The following MAOB variants were observed in gnomAD, a reference collection of about 807,000 sequenced individuals.
The protein encoded by MAOB is amine oxidase [flavin-containing] B.
In MAOB, 15 loss-of-function variants were observed where a neutral mutation model predicts 41.9. The ratio of observed to expected loss-of-function variants is 0.36; its 90% CI spans 0.24 to 0.55. The LOEUF is 0.55. Among genes scored for constraint, MAOB ranks in the 20% least tolerant of loss-of-function variants. The pLI is 0.86. For synonymous variants in MAOB, 167 were observed against 144.2 expected (o/e 1.16, Z -1.13); for missense variants, 345 against 398.7 (o/e 0.87, Z 1.15).
chrX:43,822,954 A>T (rs1020662481), intron 3 of MAOB, among the ~76,000 whole-genome samples: 5 of 110,500 alleles, frequency 4.5e-5, no homozygotes, highest in African/African-American at 1.6e-4. Context: ...AATCCTTTTA[A>T]TAAGACTTTA....
Position 43,853,067 on chromosome X carries a change from G to A in MAOB, c.47-9303C>T, listed in dbSNP as rs1239725942. On this transcript the variant is annotated intron_variant, in intron 1 of 14. Transcript: ENST00000378069. Reference sequence around the variant, plus strand: ...TGTAACCCCAGCACTTTAGGAGGCCGAGGCGGGCGGATCACGATGTGAAAC... The same window carrying A: ...TGTAACCCCAGCACTTTAGGAGGCCAAGGCGGGCGGATCACGATGTGAAAC... Among the ~76,000 whole-genome samples, 7 of 109,791 alleles carry A rather than the reference G, an allele frequency of 6.4e-5. No individual in the cohort carries two copies. In the East Asian group the frequency reaches 1.4e-3, roughly 23 times the overall value.
At chrX:43,852,034 C>T (rs956725514) in intron 1 of MAOB, among the ~76,000 whole-genome samples, 1 of 111,672 alleles carries the variant, frequency 9.0e-6, no homozygotes, top group African/African-American at 3.3e-5. Context: ...CAGGTCTTTG[C>T]CCTTCAGTAG....
intron 7 of MAOB, among the ~76,000 whole-genome samples, chrX:43,793,821 C>T (rs1209130118): frequency 9.0e-6 from 1 of 111,315 alleles, no homozygotes; most frequent in Non-Finnish European, 1.9e-5. Context: ...GAAATGGGCC[C>T]GTTACATCAC....
At chrX:43,810,468 T>A (rs138937046) in intron 3 of MAOB, among the ~76,000 whole-genome samples, 1,498 of 110,340 alleles carry the variant, frequency 0.014, 40 homozygotes, top group African/African-American at 0.045. Context: ...AATTAAATCA[T>A]GTCAATAAAT....
At chrX:43,775,040 A>G (rs1173147012) in intron 12 of MAOB, 135 bp downstream of exon 12, 4 of 913,392 alleles carry the variant, frequency 4.4e-6, no homozygotes, top group Non-Finnish European at 4.2e-6. Flanking sequence ...CATAAGATAC[A>G]AAGGAAATTG....
chrX:43,770,040 C>G (rs1025151642), intron 12 of MAOB, among the ~76,000 whole-genome samples: 1 of 111,074 alleles, frequency 9.0e-6, no homozygotes, highest in Non-Finnish European at 1.9e-5. Context: ...TGTGATGAAC[C>G]ACGCAGGCCC....
rs1316999843 is a variant in MAOB, at chrX:43,781,437, T to G, written c.1025+11A>C. ...CTGAATAGCAGCCACAACACCATAA[T>G]TGTGCCTTACCCCATTATGGCAGCA... is the stretch of plus-strand genomic sequence containing the variant. On this transcript the variant is annotated intron_variant, in intron 9 of 14. Transcript: ENST00000378069. 3 of 1,115,060 alleles carry G rather than the reference T, an allele frequency of 2.7e-6. No homozygotes were observed. Among genetic ancestry groups the G allele is most frequent in the Non-Finnish European group, 2.4e-6 (2 of 826,011 alleles). 91.9% of individuals were successfully genotyped at this position (1,115,060 alleles called of 1,213,427 possible). A position where few individuals can be genotyped will look rare whatever the true frequency, so the allele number is the denominator to read the frequency against.
rs5952712 is a variant in MAOB, at chrX:43,785,632, C to T, written c.929-4088G>A. On this transcript the variant is annotated intron_variant, in intron 8 of 14. Transcript: ENST00000378069. ...CCTTCCTCACTAAGCTTAATCATTTCTAGTTTTTGATTTAAAGCAAGAGAT... is the reference window on the plus strand; with the variant it reads ...CCTTCCTCACTAAGCTTAATCATTTTTAGTTTTTGATTTAAAGCAAGAGAT... 5.7e-3 allele frequency among the ~76,000 whole-genome samples: 636 copies of T among 112,366 alleles called. 3 individuals are homozygous for T. Among genetic ancestry groups the T allele is most frequent in the African/African-American group, 0.019 (601 of 30,951 alleles).
At chrX:43,775,840 G>T (rs1301077516) in intron 11 of MAOB, among the ~76,000 whole-genome samples, 2 of 112,204 alleles carry the variant, frequency 1.8e-5, no homozygotes, top group African/African-American at 6.5e-5. Flanking sequence ...CAGAGATTTT[G>T]TAAAGCTCAA....
chrX:43,780,206 G>T, intron 10 of MAOB, 136 bp downstream of exon 10: 1 of 498,881 alleles, frequency 2.0e-6, no homozygotes, highest in Non-Finnish European at 3.4e-6. Flanking sequence ...TAGGCAGTCC[G>T]TAAGTTAAAA....
At chrX:43,847,753 G>T (rs949680839) in intron 1 of MAOB, among the ~76,000 whole-genome samples, 1 of 112,018 alleles carries the variant, frequency 8.9e-6, no homozygotes, top group Non-Finnish European at 1.9e-5. Flanking sequence ...AACAATTTAG[G>T]AGCAAGCTTA....
At chrX:43,849,756 G>A (rs988506133) in intron 1 of MAOB, among the ~76,000 whole-genome samples, 1 of 112,651 alleles carries the variant, frequency 8.9e-6, no homozygotes, top group Non-Finnish European at 1.9e-5. Flanking sequence ...TTAAATGTTT[G>A]TTGAATGAAT....
chrX:43,833,703 C>T (rs1455937778), intron 3 of MAOB, among the ~76,000 whole-genome samples: 2 of 110,908 alleles, frequency 1.8e-5, no homozygotes, highest in East Asian at 5.6e-4. Context: ...AAATTTAAAA[C>T]TAACTGTTAC....
At chrX:43,797,339 A>C in intron 5 of MAOB, 73 bp from the exon 6 acceptor site, 1 of 846,278 alleles carries the variant, frequency 1.2e-6, no homozygotes, top group Non-Finnish European at 1.6e-6. Context: ...AAAATTATTT[A>C]AGTAACACAT....
chrX:43,866,779 G>A (rs1320574081), intron 1 of MAOB, among the ~76,000 whole-genome samples: 1 of 112,599 alleles, frequency 8.9e-6, no homozygotes, highest in African/African-American at 3.2e-5. Flanking sequence ...TAGACCGAAT[G>A]ATGGGACACA....
chrX:43,870,794 CAAA>C (rs763016344), intron 1 of MAOB, among the ~76,000 whole-genome samples: 1 of 21,927 alleles, frequency 4.6e-5, no homozygotes, highest in African/African-American at 1.9e-4. Flanking sequence ...GACTCCACCT[CAAA>C]AAAAAAAAAA....
At chrX:43,851,542 G>A (rs1279589506) in intron 1 of MAOB, among the ~76,000 whole-genome samples, 1 of 111,514 alleles carries the variant, frequency 9.0e-6, no homozygotes, top group Non-Finnish European at 1.9e-5. Context: ...TCACTACTAT[G>A]ATAGTAGCCC....
chrX:43,872,150 C>G (rs983335520), intron 1 of MAOB, among the ~76,000 whole-genome samples: 2 of 111,557 alleles, frequency 1.8e-5, no homozygotes, highest in African/African-American at 6.5e-5. Flanking sequence ...CTAGATGGTA[C>G]CCAATAAATT....
intron 1 of MAOB, among the ~76,000 whole-genome samples, chrX:43,846,386 C>T (rs765640043): frequency 1.2e-3 from 130 of 112,206 alleles, no homozygotes; most frequent in Non-Finnish European, 2.0e-3. Flanking sequence ...AATCATTGAA[C>T]GGAGTTCTCT....
Sources: allele counts gnomAD v4.1 joint callset (sites outside exome capture counted in the v4.1 genomes callset), GRCh38; gene constraint gnomAD v4.1.1; transcripts MANE v1.5; gene names NCBI Gene and HGNC (gene_info 2026-07-23, HGNC 2026-07-21).